Variants in PCDHGA6 observed in about 807,000 individuals in gnomAD.
PCDHGA6 encodes the protein protocadherin gamma-A6.
In PCDHGA6, 41 loss-of-function variants were observed where a neutral mutation model predicts 60.6. The ratio of observed to expected loss-of-function variants is 0.68; its 90% CI spans 0.53 to 0.88. The LOEUF (loss-of-function observed/expected upper bound fraction) is 0.88, where lower values mean the gene tolerates loss of function less well. Among genes scored for constraint, PCDHGA6 ranks in the 40% least tolerant of loss-of-function variants. PCDHGA6 has a pLI of 0.00. For synonymous variants in PCDHGA6, 594 were observed against 524.4 expected (o/e 1.13, Z -1.81); for missense variants, 1,312 against 1,203.0 (o/e 1.09, Z -1.34).
intron 1 of PCDHGA6, among the ~76,000 whole-genome samples, chr5:141,430,341 C>T (rs766664177): frequency 1.4e-4 from 21 of 149,938 alleles, no homozygotes; most frequent in Non-Finnish European, 2.8e-4. Context: ...TAGAAACTTC[C>T]AATTCATTTA....
chr5:141,383,226 G>A (rs771882574), intron 1 of PCDHGA6: 1 of 1,613,936 alleles, frequency 6.2e-7, no homozygotes, highest in Non-Finnish European at 8.5e-7. Flanking sequence ...TTAACATCCT[G>A]ATGGAAGATA....
chr5:141,393,087 C>T (rs1244090890), intron 1 of PCDHGA6: 1 of 1,613,628 alleles, frequency 6.2e-7, no homozygotes, highest in African/African-American at 1.3e-5. Flanking sequence ...CAGGATAGAT[C>T]GGGAGGAGCT....
At chr5:141,463,418 C>A (rs1442067485) in intron 1 of PCDHGA6, among the ~76,000 whole-genome samples, 3 of 138,240 alleles carry the variant, frequency 2.2e-5, no homozygotes, top group Admixed American at 7.4e-5. Context: ...TCCTAGTTTG[C>A]GGATCCTCAT....
At chr5:141,413,054 A>T in intron 1 of PCDHGA6, 1 of 981,732 alleles carries the variant, frequency 1.0e-6, no homozygotes, top group Non-Finnish European at 1.5e-6. Context: ...AGGGAAGCTC[A>T]CTCCAGAATT....
chr5:141,396,708 T>C (rs1402538886), intron 1 of PCDHGA6: 1 of 152,190 alleles, frequency 6.6e-6, no homozygotes, highest in Admixed American at 6.5e-5. Flanking sequence ...AGCATTTGAA[T>C]AAAGCTAATA....
intron 2 of PCDHGA6, among the ~76,000 whole-genome samples, chr5:141,500,788 A>T (rs1379810633): frequency 2.6e-5 from 4 of 152,198 alleles, no homozygotes; most frequent in Admixed American, 6.5e-5. Context: ...ATATTATTTT[A>T]CAGAATAAGT....
At chr5:141,444,644 G>T (rs1300191764) in intron 1 of PCDHGA6, among the ~76,000 whole-genome samples, 1 of 151,892 alleles carries the variant, frequency 6.6e-6, no homozygotes, top group Non-Finnish European at 1.5e-5. Flanking sequence ...ATTGAGGTAG[G>T]GGTTGAAGTT....
In PCDHGA6 at chr5:141,381,283, C is replaced by T. The variant is rs142136901; in HGVS notation, c.2424+4776C>T. On this transcript the variant is annotated intron_variant, in intron 1 of 3. Transcript: ENST00000517434. ...AAACCAAGACTGTTTCTTGCCAGGT[C>T]TTTATTCCAGAGCAGGTCATTCTCT... 3.8e-3 allele frequency among the ~76,000 whole-genome samples: 584 copies of T among 152,356 alleles called. 6 individuals are homozygous for T. The highest frequency in any genetic ancestry group is 0.011 in the Admixed American group (170 of 15,296).
At chr5:141,479,633 T>TAACAAC (rs749744124) in intron 1 of PCDHGA6, 1 of 152,114 alleles carries the variant, frequency 6.6e-6, no homozygotes, top group Admixed American at 6.5e-5. Flanking sequence ...TCTTTAACAA[T>TAACAAC]AACAACAACA....
intron 1 of PCDHGA6, chr5:141,397,964 T>A: frequency 9.4e-7 from 1 of 1,060,074 alleles, no homozygotes; most frequent in Non-Finnish European, 1.3e-6. Context: ...CAGCTCAGAC[T>A]CCCCAGCGCC....
rs780383828 is a variant in PCDHGA6, at chr5:141,422,708, A to G, written c.2424+46201A>G. ...GCCCTGGTCACTTACTCTCTGACGGATGACACTGTCCAGGGGGTGCCTCTG... is the reference window on the plus strand; with the variant it reads ...GCCCTGGTCACTTACTCTCTGACGGGTGACACTGTCCAGGGGGTGCCTCTG... On this transcript the variant is annotated intron_variant, in intron 1 of 3. Transcript: ENST00000517434. 28 of 1,603,464 alleles carry G rather than the reference A, an allele frequency of 1.7e-5. No individual in the cohort carries two copies. The East Asian group carries it at 3.8e-4, about 22-fold the overall frequency.
chr5:141,463,938 T>A (rs1378018670), intron 1 of PCDHGA6, among the ~76,000 whole-genome samples: 3 of 152,168 alleles, frequency 2.0e-5, no homozygotes, highest in Non-Finnish European at 4.4e-5. Context: ...TATAAATTTA[T>A]AGAAATCTTC....
At chr5:141,471,654 G>A (rs1235665796) in intron 1 of PCDHGA6, 2 of 152,044 alleles carry the variant, frequency 1.3e-5, no homozygotes, top group South Asian at 2.1e-4. Flanking sequence ...CTGGATGTGG[G>A]GATGCAGAAA....
rs1266306917 is a variant in PCDHGA6 at position 141,403,005 on chromosome 5, C to A, written c.2424+26498C>A. ...CGCGGAAGATTAGTCCTGCTATGCTCGCTCCTGGGGATGCTATGGGAGGCC... is the reference window on the plus strand; with the variant it reads ...CGCGGAAGATTAGTCCTGCTATGCTAGCTCCTGGGGATGCTATGGGAGGCC... On this transcript the variant is annotated intron_variant, in intron 1 of 3. Transcript: ENST00000517434. The A allele has an allele frequency of 2.5e-6, 4 of 1,613,960 alleles. No homozygotes were observed. The East Asian group carries it at 8.9e-5, about 36-fold the overall frequency.
chr5:141,491,714 C>T lies in PCDHGA6; in HGVS notation c.2425-3093C>T, dbSNP rs1321811999. 2 of 1,608,744 alleles carry T rather than the reference C, an allele frequency of 1.2e-6. No individual in the cohort carries two copies. Among genetic ancestry groups the T allele is most frequent in the Non-Finnish European group, 1.7e-6 (2 of 1,177,916 alleles). The stretch of plus-strand genomic sequence containing the variant: ...GAGCGGAGCCAGGTGAGGGGCTCGG[C>T]GCCGCCCCGGGCGACCCCTGGGGGC... On this transcript the variant is annotated intron_variant, in intron 1 of 3. Coordinates refer to ENST00000517434, the MANE Select transcript of PCDHGA6 (RefSeq NM_018919.3). The surrounding 1 kb of genome is among the most constrained non-coding windows in gnomAD (Gnocchi z 6.9).
chr5:141,461,255 G>A (rs1466460215), intron 1 of PCDHGA6, among the ~76,000 whole-genome samples: 1 of 152,098 alleles, frequency 6.6e-6, no homozygotes. Flanking sequence ...ATTCCCAGCA[G>A]CAATGTGTAA....
At chr5:141,465,880 TG>T (rs2154569018) in intron 1 of PCDHGA6, among the ~76,000 whole-genome samples, 1 of 152,096 alleles carries the variant, frequency 6.6e-6, no homozygotes, top group East Asian at 1.9e-4. Context: ...CCCAGCACTT[TG>T]GGAGGCCGAG....
Position 141,435,556 on chromosome 5 carries a change from G to C in PCDHGA6, c.2424+59049G>C, listed in dbSNP as rs568743865. ...AGAATTAACAAAATGTGTTTTGAGT[G>C]CTTTTTTTAGTACTGGGGCAAATTT... is the stretch of plus-strand genomic sequence containing the variant. On this transcript the variant is annotated intron_variant, in intron 1 of 3. Transcript: ENST00000517434. Among the ~76,000 whole-genome samples, 7 of 152,242 alleles carry C rather than the reference G, an allele frequency of 4.6e-5. 1 individual carries two copies. Among genetic ancestry groups the C allele is most frequent in the African/African-American group, 1.4e-4 (6 of 41,544 alleles).
At chr5:141,380,313 G>A (rs535275197) in intron 1 of PCDHGA6, among the ~76,000 whole-genome samples, 53 of 152,244 alleles carry the variant, frequency 3.5e-4, no homozygotes, top group Non-Finnish European at 5.4e-4. Flanking sequence ...GCTTGAGAAT[G>A]AAAATCTAAA....
Sources: gnomAD v4.1 joint callset for allele counts (sites outside exome capture counted in the v4.1 genomes callset) on GRCh38, gnomAD v4.1.1 for gene constraint, Gnocchi (gnomAD v3.1) non-coding constraint, MANE v1.5 for transcripts, NCBI Gene and HGNC (gene_info 2026-07-23, HGNC 2026-07-21) for gene names.